The following SVOP variants were observed in gnomAD, a reference collection of about 807,000 sequenced individuals.
The protein encoded by SVOP is synaptic vesicle 2-related protein.
A neutral mutation model predicts 69.1 loss-of-function variants in SVOP; 17 were observed. That is an observed-to-expected ratio of 0.25 (90% CI 0.17 to 0.37). SVOP has a LOEUF of 0.37. SVOP is among the 10% of genes least tolerant of loss of function. The probability of loss-of-function intolerance (pLI) is 1.00; values close to 1 mark genes in which losing one functional copy is unlikely to be tolerated. For synonymous variants in SVOP, 238 were observed against 238.6 expected (o/e 1.00, Z 0.02); for missense variants, 435 against 597.5 (o/e 0.73, Z 2.84).
At chr12:108,915,637 T>C (rs2039708731) in intron 15 of SVOP, 146 bp downstream of exon 15, 1 of 777,864 alleles carries the variant, frequency 1.3e-6, no homozygotes, top group Non-Finnish European at 1.9e-6. Context: ...CTGCAGGCAA[T>C]ATTTCTTCTG....
chr12:109,008,218 G>C (rs1397650339), intron 1 of SVOP, among the ~76,000 whole-genome samples: 1 of 152,104 alleles, frequency 6.6e-6, no homozygotes, highest in Non-Finnish European at 1.5e-5. Context: ...TACCCCTGTG[G>C]AACTGATTAA....
chr12:108,957,898 C>T (rs1269087752), intron 6 of SVOP, among the ~76,000 whole-genome samples: 1 of 152,228 alleles, frequency 6.6e-6, no homozygotes, highest in African/African-American at 2.4e-5. Flanking sequence ...ACTGTGAGCT[C>T]CATTGGCATC....
chr12:109,013,777 A>G (rs2040354581), intron 1 of SVOP, among the ~76,000 whole-genome samples: 1 of 151,576 alleles, frequency 6.6e-6, no homozygotes, highest in Non-Finnish European at 1.5e-5. Context: ...CATCTGCAGA[A>G]CTCTTTTCAT....
intron 5 of SVOP, 61 bp downstream of exon 5, chr12:108,972,344 G>A: frequency 6.7e-7 from 1 of 1,502,104 alleles, no homozygotes; most frequent in Non-Finnish European, 9.0e-7. Flanking sequence ...TTTGCTACTT[G>A]TCCAGACCAT....
At position 108,989,247 on chromosome 12, in the gene SVOP, T is replaced by C. The variant is rs1054067439; in HGVS notation, c.36-5486A>G. ...ACCACCACACCTAGCTTTTTGTTAG[T>C]TTGTTTCGTAGAGACAGGGGTCTCA... On this transcript the variant is annotated intron_variant, in intron 1 of 15. Transcript: ENST00000610966. 6.6e-5 allele frequency among the ~76,000 whole-genome samples: 10 copies of C among 152,220 alleles called. No individual in the cohort carries two copies. In the East Asian group the frequency reaches 1.7e-3, roughly 26 times the overall value.
At chr12:108,992,473 C>A (rs1025667010) in intron 1 of SVOP, among the ~76,000 whole-genome samples, 1 of 151,860 alleles carries the variant, frequency 6.6e-6, no homozygotes, top group Non-Finnish European at 1.5e-5. Flanking sequence ...CCTGAGAGGT[C>A]GAGGCTGCAG....
intron 13 of SVOP, 85 bp downstream of exon 13, chr12:108,919,590 G>T (rs376384801): frequency 3.8e-6 from 4 of 1,051,464 alleles, no homozygotes; most frequent in Non-Finnish European, 1.4e-6. Flanking sequence ...CACCTGGCCC[G>T]CACATCTACC....
intron 1 of SVOP, among the ~76,000 whole-genome samples, chr12:108,987,655 T>G (rs2040173253): frequency 6.6e-6 from 1 of 152,200 alleles, no homozygotes; most frequent in African/African-American, 2.4e-5. Flanking sequence ...TGTGAGATGG[T>G]ATCTCATTGT....
rs999727677 is a variant in SVOP at position 109,019,461 on chromosome 12, T to C, written c.35+1373A>G. Reference sequence around the variant, plus strand: ...GGAAAACCACAGTTCCAATATGTAGTCTAATTCTGAGTACCAAAGTTCACA... The same window carrying C: ...GGAAAACCACAGTTCCAATATGTAGCCTAATTCTGAGTACCAAAGTTCACA... On this transcript the variant is annotated intron_variant, in intron 1 of 15. Transcript: ENST00000610966. Among the ~76,000 whole-genome samples, 9 of 152,282 alleles carry C rather than the reference T, an allele frequency of 5.9e-5. No homozygotes were observed. The East Asian group carries it at 1.7e-3, about 29-fold the overall frequency.
Position 108,953,451 on chromosome 12 carries a change from T to C in SVOP, c.578+7472A>G, listed in dbSNP as rs182569319. On this transcript the variant is annotated intron_variant, in intron 6 of 15. Coordinates refer to ENST00000610966, the MANE Select transcript of SVOP (RefSeq NM_018711.5). ...GCGTGATCACCACGCCCGGCCCTAATTGACATTTATACTTAAAATTCAGAG... is the reference window on the plus strand; with the variant it reads ...GCGTGATCACCACGCCCGGCCCTAACTGACATTTATACTTAAAATTCAGAG... 9.7e-4 allele frequency among the ~76,000 whole-genome samples: 148 copies of C among 152,348 alleles called. 1 individual carries two copies. The highest frequency in any genetic ancestry group is 3.4e-3 in the African/African-American group (141 of 41,590).
Position 109,020,884 on chromosome 12 carries a change from G to C in SVOP, c.-16C>G. 1 of 717,316 alleles carries C rather than the reference G, an allele frequency of 1.4e-6. No homozygotes were observed. The highest frequency in any genetic ancestry group is 2.7e-5 in the East Asian group (1 of 37,148). 44.4% of individuals were successfully genotyped at this position (717,316 alleles called of 1,614,324 possible). A position where few individuals can be genotyped will look rare whatever the true frequency, so the allele number is the denominator to read the frequency against. Reference sequence around the variant, plus strand: ...CCTCCTCCATGTCCGCGCTGCGCCAGGATGAGCCCTTCTCATGGCCCTTAC... The same window carrying C: ...CCTCCTCCATGTCCGCGCTGCGCCACGATGAGCCCTTCTCATGGCCCTTAC... On this transcript the variant is annotated 5_prime_UTR_variant, in exon 1 of 16. Coordinates refer to ENST00000610966, the MANE Select transcript of SVOP (RefSeq NM_018711.5).
In SVOP at chr12:108,977,961, G is replaced by T. The variant is rs142372369; in HGVS notation, c.283-465C>A. Among the ~76,000 whole-genome samples the T allele has an allele frequency of 2.0e-5, 3 of 152,198 alleles. No homozygotes were observed. In the East Asian group the frequency reaches 5.8e-4, roughly 29 times the overall value. On this transcript the variant is annotated intron_variant, in intron 3 of 15. Coordinates refer to ENST00000610966, the MANE Select transcript of SVOP (RefSeq NM_018711.5). ...CATTAAAACAGACTCAGAATCCCTA[G>T]CAATTAAACATCGTGTACCTTTACG...
intron 1 of SVOP, among the ~76,000 whole-genome samples, chr12:109,017,813 G>C (rs908767552): frequency 6.6e-6 from 1 of 151,676 alleles, no homozygotes; most frequent in Non-Finnish European, 1.5e-5. Flanking sequence ...CAAAGTGCTG[G>C]GATTATAGGC....
At chr12:108,971,923 G>A (rs1010952648) in intron 5 of SVOP, among the ~76,000 whole-genome samples, 9 of 151,956 alleles carry the variant, frequency 5.9e-5, no homozygotes, top group Admixed American at 2.0e-4. Flanking sequence ...GTGTATTGGC[G>A]CATGCTTGTA....
chr12:108,915,943 T>G, intron 14 of SVOP, 71 bp from the exon 15 acceptor site: 1 of 1,416,602 alleles, frequency 7.1e-7, no homozygotes, highest in Non-Finnish European at 9.4e-7. Context: ...TCCAAGCTGA[T>G]AGGACCAACC....
Position 108,912,569 on chromosome 12 carries a change from C to G in SVOP, c.1613G>C (p.Gly538Ala). ...AGAGCCAGAGTTCGACCTGGTAACA[C>G]CTGCACCGTGCATTCCTCGGCCGAC... is the stretch of plus-strand genomic sequence containing the variant. ...EMVGRGMHGA[G>A]VTRSNSGSQE Residue 538 changes from glycine (G) to alanine (A), a missense_variant, in exon 16 of 16, where the codon GGT (glycine) becomes GCT (alanine). Gly to Ala is a moderately conservative substitution (Grantham distance 60). Coordinates refer to ENST00000610966, the MANE Select transcript of SVOP (RefSeq NM_018711.5). 1 of 1,613,828 alleles carries G rather than the reference C, an allele frequency of 6.2e-7. No individual in the cohort carries two copies. The highest frequency in any genetic ancestry group is 8.5e-7 in the Non-Finnish European group (1 of 1,179,764).
intron 7 of SVOP, among the ~76,000 whole-genome samples, chr12:108,944,692 C>A (rs1379662698): frequency 6.6e-6 from 1 of 151,966 alleles, no homozygotes; most frequent in African/African-American, 2.4e-5. Flanking sequence ...TTTAAGGCAG[C>A]CTATAGGCCA....
intron 4 of SVOP, among the ~76,000 whole-genome samples, chr12:108,976,361 C>T (rs2040106244): frequency 6.6e-6 from 1 of 152,154 alleles, no homozygotes; most frequent in African/African-American, 2.4e-5. Flanking sequence ...CCTGAATTGG[C>T]AGTGACTCCA....
chr12:108,920,594 CTTTTTTT>C (rs71079507), intron 12 of SVOP, among the ~76,000 whole-genome samples: 11 of 121,318 alleles, frequency 9.1e-5, no homozygotes, highest in African/African-American at 3.4e-4. Flanking sequence ...ATTTTTACAT[CTTTTTTT>C]TTTTTTTTTT....
Sources: gnomAD v4.1 joint callset for allele counts (sites outside exome capture counted in the v4.1 genomes callset) on GRCh38, gnomAD v4.1.1 for gene constraint, MANE v1.5 for transcripts, NCBI Gene and HGNC (gene_info 2026-07-23, HGNC 2026-07-21) for gene names.